Variants in SEC24D observed in about 807,000 individuals in gnomAD.
SEC24D encodes protein transport protein Sec24D.
In SEC24D, 69 loss-of-function variants were observed where a neutral mutation model predicts 116.9. The ratio of observed to expected loss-of-function variants is 0.59; its 90% CI spans 0.49 to 0.72. SEC24D has a LOEUF of 0.72. SEC24D is among the 30% of genes least tolerant of loss of function. The pLI, the probability that SEC24D is intolerant of heterozygous loss-of-function variation, is 0.00. For missense variants in SEC24D, 1,131 were observed against 1,264.1 expected (o/e 0.89, Z 1.60); for synonymous variants, 405 against 442.8 (o/e 0.91, Z 1.07).
At chr4:118,760,184 T>G (rs139422889) in intron 10 of SEC24D, among the ~76,000 whole-genome samples, 1 of 152,226 alleles carries the variant, frequency 6.6e-6, no homozygotes, top group African/African-American at 2.4e-5. Flanking sequence ...AACATAAAAA[T>G]TGCCATCTTA....
intron 7 of SEC24D, among the ~76,000 whole-genome samples, chr4:118,801,374 A>G (rs1729437715): frequency 6.6e-6 from 1 of 152,198 alleles, no homozygotes; most frequent in African/African-American, 2.4e-5. Flanking sequence ...GAAAAAGAAT[A>G]CAGACAGGTA....
At chr4:118,802,885 A>T (rs565203511) in intron 7 of SEC24D, among the ~76,000 whole-genome samples, 1 of 152,378 alleles carries the variant, frequency 6.6e-6, no homozygotes, top group Non-Finnish European at 1.5e-5. Context: ...TGCAGTATGT[A>T]TAAAAGACGG....
At chr4:118,834,126 A>G (rs1052929133) in intron 1 of SEC24D, among the ~76,000 whole-genome samples, 2 of 152,228 alleles carry the variant, frequency 1.3e-5, no homozygotes, top group East Asian at 1.9e-4. Context: ...ACTGACCACC[A>G]TAACTGCCAG....
intron 19 of SEC24D, among the ~76,000 whole-genome samples, chr4:118,737,012 C>G (rs946183774): frequency 2.0e-5 from 3 of 152,148 alleles, no homozygotes; most frequent in South Asian, 2.1e-4. Flanking sequence ...AATGAATGTC[C>G]AGAGAGGACA....
intron 7 of SEC24D, among the ~76,000 whole-genome samples, chr4:118,800,990 G>A (rs113437485): frequency 0.092 from 14,074 of 152,182 alleles, 934 homozygotes; most frequent in South Asian, 0.18. Context: ...GGCCAGTCAC[G>A]GTGGCTCACG....
chr4:118,829,041 C>T (rs1338075277), intron 2 of SEC24D, among the ~76,000 whole-genome samples: 1 of 152,214 alleles, frequency 6.6e-6, no homozygotes, highest in Non-Finnish European at 1.5e-5. Flanking sequence ...TTAGGTGCCC[C>T]TGCCACGTGC....
At chr4:118,731,266 C>T (rs779719266) in intron 21 of SEC24D, 50 bp downstream of exon 21, 27 of 1,466,482 alleles carry the variant, frequency 1.8e-5, no homozygotes, top group South Asian at 9.2e-5. Context: ...AAAACATTTA[C>T]GAATTTATAT....
At chr4:118,751,919 T>C (rs1726858802) in intron 13 of SEC24D, 77 bp downstream of exon 13, 1 of 1,015,376 alleles carries the variant, frequency 9.8e-7, no homozygotes, top group Non-Finnish European at 1.5e-6. Flanking sequence ...TTTTCTTTCA[T>C]AAATGAAACT....
intron 8 of SEC24D, among the ~76,000 whole-genome samples, chr4:118,791,794 G>A (rs1485561280): frequency 6.6e-6 from 1 of 152,204 alleles, no homozygotes; most frequent in Non-Finnish European, 1.5e-5. Flanking sequence ...CCAAAGTGCC[G>A]GGATTGCAGA....
At chr4:118,820,687 T>C (rs1161537901) in intron 3 of SEC24D, among the ~76,000 whole-genome samples, 2 of 151,808 alleles carry the variant, frequency 1.3e-5, no homozygotes, top group Admixed American at 6.6e-5. Flanking sequence ...ATAAATATAA[T>C]GTTAAAATTA....
At chr4:118,764,347 G>A (rs964738505) in intron 10 of SEC24D, 1 of 154,456 alleles carries the variant, frequency 6.5e-6, no homozygotes, top group African/African-American at 2.4e-5. Flanking sequence ...CAGTGTAAGG[G>A]GGATTCTGAG....
chr4:118,760,778 G>A (rs775757584), intron 10 of SEC24D, among the ~76,000 whole-genome samples: 1 of 152,066 alleles, frequency 6.6e-6, no homozygotes, highest in Non-Finnish European at 1.5e-5. Context: ...TGCGATCTCG[G>A]CTCAGTGCAA....
At chr4:118,742,378 G>GGA (rs1726268547) in intron 15 of SEC24D, among the ~76,000 whole-genome samples, 1 of 151,732 alleles carries the variant, frequency 6.6e-6, no homozygotes, top group Non-Finnish European at 1.5e-5. Flanking sequence ...AAAAGTGGGG[G>GGA]GGGGAAAGCT....
intron 15 of SEC24D, among the ~76,000 whole-genome samples, chr4:118,743,098 T>G (rs1033322981): frequency 1.3e-4 from 20 of 152,282 alleles, no homozygotes; most frequent in Non-Finnish European, 2.4e-4. Flanking sequence ...GATTGTCTCT[T>G]GAATATCTCT....
intron 15 of SEC24D, among the ~76,000 whole-genome samples, chr4:118,742,798 T>A (rs1057094456): frequency 3.3e-5 from 5 of 152,202 alleles, no homozygotes; most frequent in African/African-American, 1.2e-4. Context: ...CCCTGACCCC[T>A]TCTCCTTAGG....
At chr4:118,724,172 G>A (rs1725289126) in intron 22 of SEC24D, among the ~76,000 whole-genome samples, 1 of 152,128 alleles carries the variant, frequency 6.6e-6, no homozygotes, top group African/African-American at 2.4e-5. Flanking sequence ...AGGGACACTA[G>A]ATAGGAAGTG....
chr4:118,780,328 A>C lies in SEC24D; in HGVS notation c.1042-12017T>G, dbSNP rs113273818. ...TTTGTTCTCATTGGTTTCAAAGAACATTGTTATTTCTGCCTTCATTTCGTT... is the reference window on the plus strand; with the variant it reads ...TTTGTTCTCATTGGTTTCAAAGAACCTTGTTATTTCTGCCTTCATTTCGTT... On this transcript the variant is annotated intron_variant, in intron 8 of 22. Coordinates refer to ENST00000280551, the MANE Select transcript of SEC24D (RefSeq NM_014822.4). Among the ~76,000 whole-genome samples the C allele has an allele frequency of 7.8e-3, 1,194 of 152,298 alleles. 13 individuals carry two copies. Among genetic ancestry groups the C allele is most frequent in the African/African-American group, 0.027 (1,142 of 41,562 alleles).
rs113739026 is a variant in SEC24D, at chr4:118,778,491, G to A, written c.1042-10180C>T. ...ATCTCTGTTTTGGTACCAGTACCAC[G>A]CTGATTTGGTTACTGCAGCCTTGTA... On this transcript the variant is annotated intron_variant, in intron 8 of 22. Coordinates refer to ENST00000280551, the MANE Select transcript of SEC24D (RefSeq NM_014822.4). 8.5e-5 allele frequency among the ~76,000 whole-genome samples: 13 copies of A among 152,288 alleles called. 1 individual carries two copies. The highest frequency in any genetic ancestry group is 2.4e-4 in the African/African-American group (10 of 41,568).
intron 8 of SEC24D, among the ~76,000 whole-genome samples, chr4:118,786,306 TTC>T (rs1321329887): frequency 6.6e-6 from 1 of 152,218 alleles, no homozygotes; most frequent in East Asian, 1.9e-4. Context: ...TCCTACATTT[TTC>T]TCTTTCTTCT....
Sources: gnomAD v4.1 joint callset for allele counts (sites outside exome capture counted in the v4.1 genomes callset) on GRCh38, gnomAD v4.1.1 for gene constraint, MANE v1.5 for transcripts, NCBI Gene and HGNC (gene_info 2026-07-23, HGNC 2026-07-21) for gene names.